GPC6: variants seen among roughly 807,000 people sequenced by gnomAD.
GPC6 encodes the protein glypican 6.
In GPC6, 14 loss-of-function variants were observed where a neutral mutation model predicts 55.2. The ratio of observed to expected loss-of-function variants is 0.25; its 90% CI spans 0.17 to 0.40. The LOEUF (loss-of-function observed/expected upper bound fraction) is 0.40, where lower values mean the gene tolerates loss of function less well. Ranked by LOEUF, GPC6 falls within the 10% of genes least tolerant of loss-of-function variation. The pLI is 1.00. For synonymous variants in GPC6, 278 were observed against 259.6 expected (o/e 1.07, Z -0.68); for missense variants, 641 against 708.5 (o/e 0.90, Z 1.08).
chr13:94,161,021 A>G (rs1888146397), intron 4 of GPC6, among the ~76,000 whole-genome samples: 1 of 152,212 alleles, frequency 6.6e-6, no homozygotes, highest in Admixed American at 6.5e-5. Flanking sequence ...CTGCCCCCAC[A>G]GAGCTGTGTC....
intron 2 of GPC6, among the ~76,000 whole-genome samples, chr13:93,594,289 A>C (rs150823593): frequency 6.6e-6 from 1 of 152,068 alleles, no homozygotes; most frequent in Non-Finnish European, 1.5e-5. Flanking sequence ...AGTACCCATT[A>C]GTTATTTTTC....
intron 1 of GPC6, among the ~76,000 whole-genome samples, chr13:93,538,551 G>A (rs1050358845): frequency 2.6e-5 from 4 of 152,136 alleles, no homozygotes; most frequent in Non-Finnish European, 5.9e-5. Context: ...CAGGATCAGC[G>A]TTTTGCTGCC....
At chr13:94,262,878 GC>G (rs1217405116) in intron 4 of GPC6, among the ~76,000 whole-genome samples, 2 of 152,086 alleles carry the variant, frequency 1.3e-5, no homozygotes, top group Admixed American at 1.3e-4. Context: ...AAAACAGAGA[GC>G]AAAAGACAAA....
intron 5 of GPC6, among the ~76,000 whole-genome samples, chr13:94,303,353 C>A (rs927459493): frequency 6.6e-6 from 1 of 152,146 alleles, no homozygotes; most frequent in Non-Finnish European, 1.5e-5. Context: ...ACTACCTGAT[C>A]GGGTGTGAGC....
intron 2 of GPC6, among the ~76,000 whole-genome samples, chr13:93,664,220 C>T (rs1202683933): frequency 3.3e-5 from 5 of 152,126 alleles, no homozygotes; most frequent in Admixed American, 2.0e-4. Context: ...GAGCAATTCT[C>T]AAACTCCATA....
At chr13:94,224,068 A>T (rs902361310) in intron 4 of GPC6, among the ~76,000 whole-genome samples, 2 of 151,906 alleles carry the variant, frequency 1.3e-5, no homozygotes, top group African/African-American at 4.8e-5. Context: ...AATGGTCCGT[A>T]AGTGTAGGGC....
chr13:94,283,949 C>T (rs1344287306), intron 4 of GPC6, among the ~76,000 whole-genome samples: 1 of 152,198 alleles, frequency 6.6e-6, no homozygotes, highest in Non-Finnish European at 1.5e-5. Flanking sequence ...GAGAAACTTA[C>T]CAACTACTGC....
At chr13:94,088,164 A>C (rs1885354856) in intron 4 of GPC6, among the ~76,000 whole-genome samples, 1 of 152,144 alleles carries the variant, frequency 6.6e-6, no homozygotes, top group African/African-American at 2.4e-5. Flanking sequence ...TATTTCCCCT[A>C]GGAGCTCTAG....
intron 4 of GPC6, among the ~76,000 whole-genome samples, chr13:94,285,758 ACCATAATAGG>A (rs1463126488): frequency 5.3e-5 from 8 of 152,200 alleles, no homozygotes; most frequent in Non-Finnish European, 1.2e-4. Flanking sequence ...TGTGATGGGT[ACCATAATAGG>A]CCTTGAATAT....
chr13:93,512,325 C>T (rs1353898699), intron 1 of GPC6, among the ~76,000 whole-genome samples: 4 of 151,790 alleles, frequency 2.6e-5, no homozygotes, highest in Admixed American at 2.6e-4. Context: ...TCATATATGG[C>T]CTTTGTTATA....
chr13:93,356,688 C>T lies in GPC6; in HGVS notation c.160+129072C>T, dbSNP rs576261485. 2.0e-5 allele frequency among the ~76,000 whole-genome samples: 3 copies of T among 152,282 alleles called. No individual in the cohort carries two copies. The South Asian group carries it at 6.2e-4, about 32-fold the overall frequency. On this transcript the variant is annotated intron_variant, in intron 1 of 8. Coordinates refer to ENST00000377047, the MANE Select transcript of GPC6 (RefSeq NM_005708.5). ...CGGCCAGCAGCATTGGTATTGAAGA[C>T]AAAAGACAGCCATCAGTATAAATTC...
chr13:93,464,356 G>C (rs1594188640), intron 1 of GPC6, among the ~76,000 whole-genome samples: 2 of 152,250 alleles, frequency 1.3e-5, no homozygotes, highest in African/African-American at 4.8e-5. Context: ...TTGTAGCCAT[G>C]GTAGAACTTC....
intron 4 of GPC6, among the ~76,000 whole-genome samples, chr13:94,062,958 G>C (rs1256941552): frequency 6.6e-6 from 1 of 152,160 alleles, no homozygotes. Context: ...TTTTACAAGA[G>C]AAATAATGCA....
At chr13:93,299,592 A>G (rs939294143) in intron 1 of GPC6, among the ~76,000 whole-genome samples, 2 of 152,192 alleles carry the variant, frequency 1.3e-5, no homozygotes, top group Non-Finnish European at 2.9e-5. Context: ...TCTTCTATTA[A>G]GAGTTAAAGC....
intron 1 of GPC6, among the ~76,000 whole-genome samples, chr13:93,384,632 A>T (rs1875322024): frequency 6.6e-6 from 1 of 152,192 alleles, no homozygotes; most frequent in Non-Finnish European, 1.5e-5. Context: ...ACTTGAACTG[A>T]TTTGAGTGAC....
chr13:93,270,801 A>G (rs976071698), intron 1 of GPC6, among the ~76,000 whole-genome samples: 5 of 152,118 alleles, frequency 3.3e-5, no homozygotes, highest in Admixed American at 1.3e-4. Flanking sequence ...AGTCAACAAC[A>G]ACACTGCCTC....
At chr13:93,420,292 C>T (rs1164564604) in intron 1 of GPC6, among the ~76,000 whole-genome samples, 3 of 152,138 alleles carry the variant, frequency 2.0e-5, no homozygotes, top group Admixed American at 2.0e-4. Context: ...AGTTTGCTCT[C>T]TGATCCCAGT....
chr13:93,775,978 A>G (rs1885452168), intron 2 of GPC6, among the ~76,000 whole-genome samples: 1 of 151,866 alleles, frequency 6.6e-6, no homozygotes, highest in Non-Finnish European at 1.5e-5. Context: ...GCCAGCAACA[A>G]TAAACCCCCT....
intron 1 of GPC6, among the ~76,000 whole-genome samples, chr13:93,509,426 CT>C (rs1880862698): frequency 6.6e-6 from 1 of 152,196 alleles, no homozygotes. Context: ...TCATTTGTTG[CT>C]GCTCTTCTTG....
Sources: gnomAD v4.1 joint callset for allele counts (sites outside exome capture counted in the v4.1 genomes callset) on GRCh38, gnomAD v4.1.1 for gene constraint, MANE v1.5 for transcripts, NCBI Gene and HGNC (gene_info 2026-07-23, HGNC 2026-07-21) for gene names.